CNTNAP2: variants seen among roughly 807,000 people sequenced by gnomAD.
The protein encoded by CNTNAP2 is contactin associated protein 2.
In CNTNAP2, 98 loss-of-function variants were observed where a neutral mutation model predicts 155.2. The observed-to-expected ratio is 0.63, with a 90% CI of 0.54 to 0.75. The LOEUF (loss-of-function observed/expected upper bound fraction) is 0.75, where lower values mean the gene tolerates loss of function less well. Among genes scored for constraint, CNTNAP2 ranks in the 30% least tolerant of loss-of-function variants. The pLI is 0.00. For missense variants in CNTNAP2, 1,727 were observed against 1,688.1 expected (o/e 1.02, Z -0.40); for synonymous variants, 651 against 631.2 (o/e 1.03, Z -0.47).
At chr7:147,401,974 C>T (rs1376980517) in intron 10 of CNTNAP2, among the ~76,000 whole-genome samples, 1 of 152,168 alleles carries the variant, frequency 6.6e-6, no homozygotes, top group Admixed American at 6.5e-5. Flanking sequence ...TCTACAAAAG[C>T]AGGCTTAAAT....
At chr7:147,471,526 C>G (rs1798215175) in intron 10 of CNTNAP2, among the ~76,000 whole-genome samples, 1 of 152,176 alleles carries the variant, frequency 6.6e-6, no homozygotes, top group Non-Finnish European at 1.5e-5. Flanking sequence ...ATGTTCTTAG[C>G]AGATGTATGT....
At chr7:146,170,225 C>G (rs897975335) in intron 1 of CNTNAP2, among the ~76,000 whole-genome samples, 14 of 152,018 alleles carry the variant, frequency 9.2e-5, no homozygotes, top group Non-Finnish European at 1.9e-4. Context: ...GGGGTTTCAC[C>G]GTGTTGGCCA....
intron 13 of CNTNAP2, among the ~76,000 whole-genome samples, chr7:147,819,988 TA>T (rs1798337296): frequency 6.6e-6 from 1 of 152,186 alleles, no homozygotes; most frequent in Non-Finnish European, 1.5e-5. Context: ...TAAATCTTTT[TA>T]TAGATCTATT....
intron 1 of CNTNAP2, among the ~76,000 whole-genome samples, chr7:146,723,399 C>T (rs546695432): frequency 2.0e-5 from 3 of 152,248 alleles, no homozygotes; most frequent in Non-Finnish European, 4.4e-5. Flanking sequence ...TTCTAACTCA[C>T]CCGATTTGTG....
At chr7:147,044,201 C>CATAT (rs148378854) in intron 4 of CNTNAP2, 147 bp downstream of exon 4, 15 of 779,184 alleles carry the variant, frequency 1.9e-5, no homozygotes, top group Admixed American at 1.4e-4. Context: ...TGCATAGATA[C>CATAT]ATATATATAT....
intron 1 of CNTNAP2, among the ~76,000 whole-genome samples, chr7:146,193,908 C>G (rs1206383433): frequency 6.6e-6 from 1 of 152,186 alleles, no homozygotes; most frequent in Non-Finnish European, 1.5e-5. Context: ...CTCTCAAGTT[C>G]AAAGTTTCAC....
intron 1 of CNTNAP2, among the ~76,000 whole-genome samples, chr7:146,237,216 G>A (rs802580): frequency 0.69 from 104,549 of 151,882 alleles, 37,179 homozygotes; most frequent in East Asian, 0.94. Flanking sequence ...CTGGGAACCC[G>A]GCAAAGATTT....
intron 3 of CNTNAP2, among the ~76,000 whole-genome samples, chr7:146,940,968 T>G (rs1797044353): frequency 6.6e-6 from 1 of 152,146 alleles, no homozygotes; most frequent in African/African-American, 2.4e-5. Context: ...CTGGTTTAAT[T>G]CTAGCTATTC....
intron 1 of CNTNAP2, among the ~76,000 whole-genome samples, chr7:146,290,658 G>A (rs73459957): frequency 0.061 from 9,309 of 152,184 alleles, 966 homozygotes; most frequent in African/African-American, 0.21. Flanking sequence ...TGTAAAGAGC[G>A]TGTATTTGGG....
In CNTNAP2 at chr7:147,321,735, A is replaced by T. The variant is rs191247684; in HGVS notation, c.1498+21445A>T. On this transcript the variant is annotated intron_variant, in intron 9 of 23. Coordinates refer to ENST00000361727, the MANE Select transcript of CNTNAP2 (RefSeq NM_014141.6). ...TTCCAAAGACAGCAGTTGACAATAT[A>T]ACCAAATATTTAGCTACGGTATAAC... 3.5e-4 allele frequency among the ~76,000 whole-genome samples: 54 copies of T among 152,312 alleles called. No individual in the cohort carries two copies. The East Asian group carries it at 7.9e-3, about 22-fold the overall frequency.
intron 1 of CNTNAP2, among the ~76,000 whole-genome samples, chr7:146,551,795 A>G (rs1488280646): frequency 1.3e-5 from 2 of 152,040 alleles, no homozygotes; most frequent in Non-Finnish European, 2.9e-5. Flanking sequence ...CCATAAACAA[A>G]GCTTATTTTT....
At position 148,055,764 on chromosome 7, in the gene CNTNAP2, GAAGGAAAAGCATTGCAGTA is replaced by G. The variant is rs1439874294; in HGVS notation, c.2384-62353_2384-62335del. On this transcript the variant is annotated intron_variant, in intron 15 of 23. Transcript: ENST00000361727. Reference sequence around the variant, plus strand: ...TAAGAAGGAAAAGCATTGCAGTTAAGAAGGAAAAGCATTGCAGTAGAGACTAGTCCGTGAACATCTTTGT... The same window carrying G: ...TAAGAAGGAAAAGCATTGCAGTTAAGGAGACTAGTCCGTGAACATCTTTGT... 2.0e-5 allele frequency among the ~76,000 whole-genome samples: 3 copies of G among 152,044 alleles called. No individual in the cohort carries two copies. In the East Asian group the frequency reaches 5.8e-4, roughly 29 times the overall value.
chr7:147,308,196 C>T (rs191456446), intron 9 of CNTNAP2, among the ~76,000 whole-genome samples: 15 of 152,176 alleles, frequency 9.9e-5, no homozygotes, highest in Non-Finnish European at 1.3e-4. Flanking sequence ...AAGTGGAACC[C>T]GATATCCAGC....
At chr7:147,694,940 AT>A (rs1796140763) in intron 13 of CNTNAP2, among the ~76,000 whole-genome samples, 1 of 151,682 alleles carries the variant, frequency 6.6e-6, no homozygotes, top group Admixed American at 6.6e-5. Context: ...TATATGGCTG[AT>A]TTTAGATCTT....
At chr7:147,731,163 C>T (rs1322287298) in intron 13 of CNTNAP2, among the ~76,000 whole-genome samples, 4 of 152,078 alleles carry the variant, frequency 2.6e-5, no homozygotes, top group South Asian at 2.1e-4. Flanking sequence ...GTCTAGCTAA[C>T]GTAATTGATG....
intron 9 of CNTNAP2, among the ~76,000 whole-genome samples, chr7:147,333,201 G>T (rs976377166): frequency 6.6e-6 from 1 of 152,154 alleles, no homozygotes; most frequent in African/African-American, 2.4e-5. Flanking sequence ...GCCACATAAA[G>T]TTCCTGTTCC....
At chr7:146,894,799 C>T (rs768270749) in intron 3 of CNTNAP2, among the ~76,000 whole-genome samples, 10 of 152,046 alleles carry the variant, frequency 6.6e-5, no homozygotes, top group Admixed American at 1.3e-4. Context: ...ACCATACAAT[C>T]GATATCCAAT....
chr7:146,647,367 T>G (rs1166670851), intron 1 of CNTNAP2, among the ~76,000 whole-genome samples: 2 of 83,746 alleles, frequency 2.4e-5, no homozygotes, highest in Non-Finnish European at 6.7e-5. Flanking sequence ...TAGTCCATGA[T>G]GTACACTGAA....
At chr7:147,973,596 T>G (rs1180865514) in intron 14 of CNTNAP2, among the ~76,000 whole-genome samples, 4 of 152,218 alleles carry the variant, frequency 2.6e-5, no homozygotes, top group African/African-American at 9.6e-5. Flanking sequence ...AATAAAACAT[T>G]GCAGATATCT....
Sources: allele counts gnomAD v4.1 joint callset (sites outside exome capture counted in the v4.1 genomes callset), GRCh38; gene constraint gnomAD v4.1.1; transcripts MANE v1.5; gene names NCBI Gene and HGNC (gene_info 2026-07-23, HGNC 2026-07-21).